Variants in SLCO3A1 observed in about 807,000 individuals in gnomAD.
SLCO3A1 encodes solute carrier organic anion transporter family member 3A1, also known as PGE1 transporter.
SLCO3A1 carries 27 observed loss-of-function variants against 63.1 expected under a neutral mutation model. That is an observed-to-expected ratio of 0.43 (90% CI 0.32 to 0.59). SLCO3A1 has a LOEUF of 0.59. Ranked by LOEUF, SLCO3A1 falls within the 20% of genes least tolerant of loss-of-function variation. The pLI, the probability that SLCO3A1 is intolerant of heterozygous loss-of-function variation, is 0.09. For missense variants in SLCO3A1, 773 were observed against 945.8 expected, an observed-to-expected ratio of 0.82 and a Z score of 2.40; for synonymous variants, 473 against 409.9, an observed-to-expected ratio of 1.15 and a Z score of -1.86.
chr15:92,152,071 T>G (rs1377714108), intron 9 of SLCO3A1, among the ~76,000 whole-genome samples: 1 of 152,238 alleles, frequency 6.6e-6, no homozygotes, highest in Non-Finnish European at 1.5e-5. Context: ...GTCTGTAATG[T>G]AATAACTTTT....
chr15:92,097,822 T>C (rs2047558762), intron 3 of SLCO3A1: 1 of 152,214 alleles, frequency 6.6e-6, no homozygotes, highest in Non-Finnish European at 1.5e-5. Context: ...TAGAATTCTA[T>C]AGTTGCCAGC....
At chr15:92,120,371 C>T (rs541217834) in intron 4 of SLCO3A1, 94 bp from the exon 5 acceptor site, 308 of 1,302,428 alleles carry the variant, frequency 2.4e-4, no homozygotes, top group Non-Finnish European at 2.8e-4. Flanking sequence ...TGGACAAGAG[C>T]GGGCCAAGAA....
intron 1 of SLCO3A1, among the ~76,000 whole-genome samples, chr15:91,909,087 C>G (rs1567180563): frequency 6.6e-6 from 1 of 152,138 alleles, no homozygotes; most frequent in South Asian, 2.1e-4. Flanking sequence ...AACAAACAAA[C>G]AAAGAAACCC....
intron 1 of SLCO3A1, among the ~76,000 whole-genome samples, chr15:91,855,994 TA>T (rs1277751886): frequency 2.6e-5 from 4 of 152,070 alleles, no homozygotes; most frequent in African/African-American, 9.7e-5. Flanking sequence ...ATTTGACAAA[TA>T]AATGAAGCTG....
chr15:92,150,917 GTTTT>G lies in SLCO3A1; in HGVS notation c.1689-26_1689-23del, dbSNP rs76758332. ...ATTACAGGGGAATGATAAAAATCTG[GTTTT>G]TTTTTTCTCTTCATCTCTTTGCACG... is the stretch of plus-strand genomic sequence containing the variant. On this transcript the variant is annotated intron_variant, in intron 8 of 9. Transcript: ENST00000318445. 24 of 1,381,476 alleles carry G rather than the reference GTTTT, an allele frequency of 1.7e-5. No homozygotes were observed. The African/African-American group carries it at 2.8e-4, about 16-fold the overall frequency. 85.6% of individuals were successfully genotyped at this position (1,381,476 alleles called of 1,614,324 possible).
intron 7 of SLCO3A1, among the ~76,000 whole-genome samples, chr15:92,136,650 T>C (rs1322999877): frequency 6.6e-6 from 1 of 152,234 alleles, no homozygotes; most frequent in African/African-American, 2.4e-5. Context: ...TTATAACATT[T>C]TCCATTTTGA....
At chr15:91,943,469 G>A (rs369623542) in intron 2 of SLCO3A1, among the ~76,000 whole-genome samples, 73 of 152,216 alleles carry the variant, frequency 4.8e-4, no homozygotes, top group Non-Finnish European at 9.0e-4. Flanking sequence ...ACCATATTTT[G>A]TTTATCCATT....
At chr15:91,944,914 C>A (rs574103985) in intron 2 of SLCO3A1, among the ~76,000 whole-genome samples, 2 of 152,262 alleles carry the variant, frequency 1.3e-5, no homozygotes, top group South Asian at 4.1e-4. Flanking sequence ...ATTCCTCTGC[C>A]ACGCCCAAAT....
chr15:91,971,416 C>CTCTTCCT (rs1484257294), intron 2 of SLCO3A1, among the ~76,000 whole-genome samples: 3 of 78,032 alleles, frequency 3.8e-5, no homozygotes, highest in Non-Finnish European at 8.1e-5. Context: ...AAAAAGCAAC[C>CTCTTCCT]TCTTCCTTCT....
At chr15:91,867,238 A>C (rs1897187562) in intron 1 of SLCO3A1, among the ~76,000 whole-genome samples, 3 of 152,174 alleles carry the variant, frequency 2.0e-5, no homozygotes, top group Admixed American at 1.3e-4. Flanking sequence ...TAGCCTGTGG[A>C]GGGACCTTCA....
chr15:92,112,533 T>A (rs1404893649), intron 4 of SLCO3A1, among the ~76,000 whole-genome samples: 3 of 152,130 alleles, frequency 2.0e-5, no homozygotes, highest in Non-Finnish European at 4.4e-5. Flanking sequence ...CATCTGGATG[T>A]TTTCGAAGCC....
intron 2 of SLCO3A1, among the ~76,000 whole-genome samples, chr15:92,061,188 C>G (rs889629116): frequency 6.6e-6 from 1 of 152,314 alleles, no homozygotes; most frequent in Non-Finnish European, 1.5e-5. Context: ...TACATAGGTG[C>G]CTAATAAATG....
intron 1 of SLCO3A1, among the ~76,000 whole-genome samples, chr15:91,898,659 A>G (rs946516710): frequency 6.6e-6 from 1 of 152,174 alleles, no homozygotes; most frequent in African/African-American, 2.4e-5. Flanking sequence ...GTGAGACTCC[A>G]GAGCATGCAT....
In SLCO3A1 at chr15:92,133,483, G is replaced by A. The variant is rs938744261; in HGVS notation, c.1512+4994G>A. ...GGAACTGGGCCGCACAGCAGGAGGC[G>A]AGTGGCAGGTGAGCAAAGCTTTATC... On this transcript the variant is annotated intron_variant, in intron 7 of 9. Transcript: ENST00000318445. Among the ~76,000 whole-genome samples the A allele has an allele frequency of 8.2e-5, 12 of 145,962 alleles. 1 individual carries two copies. Among genetic ancestry groups the A allele is most frequent in the African/African-American group, 3.0e-4 (12 of 40,278 alleles).
intron 2 of SLCO3A1, among the ~76,000 whole-genome samples, chr15:92,004,731 T>C (rs73532486): frequency 0.022 from 3,360 of 152,284 alleles, 127 homozygotes; most frequent in African/African-American, 0.077. Flanking sequence ...CCAGAAGCAA[T>C]AGTTGGAGCT....
chr15:91,972,141 C>T (rs1900899691), intron 2 of SLCO3A1, among the ~76,000 whole-genome samples: 1 of 152,060 alleles, frequency 6.6e-6, no homozygotes, highest in African/African-American at 2.4e-5. Context: ...ATGTAGAGCT[C>T]TATACCTATG....
At chr15:92,146,945 AG>A in intron 7 of SLCO3A1, 38 bp from the exon 8 acceptor site, 1 of 1,552,526 alleles carries the variant, frequency 6.4e-7, no homozygotes, top group Non-Finnish European at 8.7e-7. Flanking sequence ...GGAAACCGGA[AG>A]TACCCCCAGA....
At chr15:91,878,085 CTTTTTTT>C (rs757889262) in intron 1 of SLCO3A1, among the ~76,000 whole-genome samples, 1 of 119,854 alleles carries the variant, frequency 8.3e-6, no homozygotes, top group African/African-American at 3.5e-5. Context: ...GGATTTAGGC[CTTTTTTT>C]TTTTTTTTTT....
intron 2 of SLCO3A1, among the ~76,000 whole-genome samples, chr15:91,988,714 C>A (rs940575977): frequency 3.3e-5 from 5 of 152,154 alleles, no homozygotes; most frequent in African/African-American, 7.2e-5. Flanking sequence ...GCAGTCCTAA[C>A]AAGTTCCCAG....
Sources: allele counts gnomAD v4.1 joint callset (sites outside exome capture counted in the v4.1 genomes callset), GRCh38; gene constraint gnomAD v4.1.1; transcripts MANE v1.5; gene names NCBI Gene and HGNC (gene_info 2026-07-23, HGNC 2026-07-21).